Variants in UGT2A2 observed in about 807,000 individuals in gnomAD.
The protein encoded by UGT2A2 is UDP-glucuronosyltransferase 2A2.
UGT2A2 carries 60 observed loss-of-function variants against 50.7 expected under a neutral mutation model. The ratio of observed to expected loss-of-function variants is 1.18; its 90% CI spans 0.96 to 1.47. UGT2A2 has a LOEUF of 1.47. UGT2A2 is among the 40% of genes most tolerant of loss of function. UGT2A2 has a pLI of 0.00. For synonymous variants in UGT2A2, 242 were observed against 214.6 expected, an observed-to-expected ratio of 1.13 and a Z score of -1.11; for missense variants, 762 against 634.0, an observed-to-expected ratio of 1.20 and a Z score of -2.17.
intron 1 of UGT2A2, among the ~76,000 whole-genome samples, chr4:69,631,074 A>C (rs570483298): frequency 2.4e-4 from 37 of 152,220 alleles, no homozygotes; most frequent in African/African-American, 8.7e-4. Context: ...CTATAACACT[A>C]CTTTCTCATT....
rs1721658620 is a variant in UGT2A2 at position 69,635,828 on chromosome 4, C to CAACAAAAAAAAAAAAAAA, written c.742+3070_742+3071insTTTTTTTTTTTTTTTGTT. On this transcript the variant is annotated intron_variant, in intron 1 of 5. Transcript: ENST00000604629. ...GCAACAGAGTAAGAGTCCACCTCAC[C>CAACAAAAAAAAAAAAAAA]AAAAAAAAAAAAAAAAAAAAAAGAG... 4.1e-5 allele frequency: 2 copies of CAACAAAAAAAAAAAAAAA among 49,134 alleles called. 1 individual carries two copies. The highest frequency in any genetic ancestry group is 6.4e-4 in the Admixed American group (2 of 3,114). The allele number at this position is 49,134 out of a possible 1,614,324, so 3.0% of individuals were successfully genotyped here.
At chr4:69,635,835 A>AAAAAAAAAAAAAAAAG (rs1721663102) in intron 1 of UGT2A2, 1 of 132,518 alleles carries the variant, frequency 7.5e-6, no homozygotes, top group Non-Finnish European at 1.5e-5. Context: ...CACCAAAAAA[A>AAAAAAAAAAAAAAAAG]AAAAAAAAAA....
chr4:69,621,491 A>T (rs7657761), intron 1 of UGT2A2, among the ~76,000 whole-genome samples: 53,394 of 151,670 alleles, frequency 0.35, 9,740 homozygotes, highest in African/African-American at 0.43. Context: ...ATTAAAAAGT[A>T]AAAAAAATAA....
intron 3 of UGT2A2, 89 bp from the exon 4 acceptor site, chr4:69,595,338 C>G: frequency 6.8e-7 from 1 of 1,475,138 alleles, no homozygotes; most frequent in Non-Finnish European, 9.3e-7. Context: ...ATTTAGCCAG[C>G]TACTTGGAAG....
chr4:69,600,103 C>T (rs1193064901), intron 1 of UGT2A2, among the ~76,000 whole-genome samples: 1 of 152,158 alleles, frequency 6.6e-6, no homozygotes, highest in African/African-American at 2.4e-5. Flanking sequence ...AGCAGCCTAT[C>T]CTGTGAGCCA....
Position 69,594,570 on chromosome 4 carries a change from A to G in UGT2A2, c.1238T>C (p.Met413Thr). 1 of 1,614,156 alleles carries G rather than the reference A, an allele frequency of 6.2e-7. No individual in the cohort carries two copies. The highest frequency in any genetic ancestry group is 8.5e-7 in the Non-Finnish European group (1 of 1,180,040). ...TTCCACAGCTGCTCCTTTGGCCTTCATGTGAGCAATGTTATCAGGCTGATC... is the reference window on the plus strand; with the variant it reads ...TTCCACAGCTGCTCCTTTGGCCTTCGTGTGAGCAATGTTATCAGGCTGATC... ...FADQPDNIAHMKAKGAAVEVN... is the reference protein window; with the variant it reads ...FADQPDNIAHTKAKGAAVEVN... Residue 413 changes from methionine to threonine, a missense_variant, in exon 5 of 6, where the codon ATG becomes ACG. Coordinates refer to ENST00000604629, the MANE Select transcript of UGT2A2 (RefSeq NM_001105677.2).
chr4:69,620,013 C>T (rs529055400), intron 1 of UGT2A2, among the ~76,000 whole-genome samples: 3 of 152,050 alleles, frequency 2.0e-5, no homozygotes, highest in African/African-American at 7.2e-5. Flanking sequence ...ATATGACAAA[C>T]CCCCAGCCAA....
At chr4:69,632,240 A>G (rs1038568187) in intron 1 of UGT2A2, among the ~76,000 whole-genome samples, 1 of 152,190 alleles carries the variant, frequency 6.6e-6, no homozygotes, top group East Asian at 1.9e-4. Flanking sequence ...ATTTGCTACC[A>G]TGAAGGAAGA....
At chr4:69,638,829 C>G in intron 1 of UGT2A2, 70 bp downstream of exon 1, 3 of 1,449,462 alleles carry the variant, frequency 2.1e-6, no homozygotes. Flanking sequence ...GAATGGAAAT[C>G]GTTTGCCATA....
chr4:69,608,736 C>T (rs1184379393), intron 1 of UGT2A2, among the ~76,000 whole-genome samples: 2 of 152,046 alleles, frequency 1.3e-5, no homozygotes, highest in East Asian at 3.9e-4. Flanking sequence ...ACTCTTGTTG[C>T]CCAGGCTGGA....
intron 1 of UGT2A2, 103 bp downstream of exon 1, chr4:69,638,796 T>G (rs1721868523): frequency 7.3e-7 from 1 of 1,370,124 alleles, no homozygotes; most frequent in East Asian, 2.5e-5. Flanking sequence ...AAGTCCATTA[T>G]CTTCAGCTCA....
chr4:69,606,181 A>T lies in UGT2A2; in HGVS notation c.743-6787T>A, dbSNP rs1265329638. Among the ~76,000 whole-genome samples the T allele has an allele frequency of 1.5e-5, 2 of 136,558 alleles. 1 individual carries two copies. Among genetic ancestry groups the T allele is most frequent in the African/African-American group, 5.9e-5 (2 of 33,662 alleles). The allele number at this position is 136,558 out of a possible 152,430, so 89.6% of individuals were successfully genotyped here. A position where few individuals can be genotyped will look rare whatever the true frequency, so the allele number is the denominator to read the frequency against. The stretch of plus-strand genomic sequence containing the variant: ...TCGAGGCAAAAATCCTCAATAAAAT[A>T]CTGGCAAACCAAATCCAGCGGCACA... On this transcript the variant is annotated intron_variant, in intron 1 of 5. Coordinates refer to ENST00000604629, the MANE Select transcript of UGT2A2 (RefSeq NM_001105677.2).
intron 1 of UGT2A2, among the ~76,000 whole-genome samples, chr4:69,611,219 C>T (rs1341492979): frequency 6.7e-6 from 1 of 150,174 alleles, no homozygotes; most frequent in Middle Eastern, 3.2e-3. Flanking sequence ...CAACACAGCT[C>T]ACTGCAGTCT....
intron 1 of UGT2A2, among the ~76,000 whole-genome samples, chr4:69,627,103 G>A (rs533663588): frequency 6.6e-6 from 1 of 151,912 alleles, no homozygotes; most frequent in African/African-American, 2.4e-5. Flanking sequence ...AATGGACAAA[G>A]AGAGAAAATA....
At chr4:69,617,657 G>A (rs1175831160) in intron 1 of UGT2A2, among the ~76,000 whole-genome samples, 1 of 151,630 alleles carries the variant, frequency 6.6e-6, no homozygotes, top group Non-Finnish European at 1.5e-5. Flanking sequence ...GATTTCATTA[G>A]CAACATACAG....
chr4:69,615,738 A>G (rs1720340428), intron 1 of UGT2A2, among the ~76,000 whole-genome samples: 1 of 151,986 alleles, frequency 6.6e-6, no homozygotes, highest in African/African-American at 2.4e-5. Flanking sequence ...ACAAACAGAC[A>G]GACAAAAAAA....
chr4:69,637,849 A>G (rs1721799458), intron 1 of UGT2A2, among the ~76,000 whole-genome samples: 1 of 151,948 alleles, frequency 6.6e-6, no homozygotes. Flanking sequence ...TTTTTTTTAC[A>G]CAAAGTAAAC....
At position 69,588,823 on chromosome 4, in the gene UGT2A2, T is replaced by C. The variant is rs1050369386; in HGVS notation, c.*549A>G. 2.0e-5 allele frequency: 3 copies of C among 152,170 alleles called. No individual in the cohort carries two copies. The highest frequency in any genetic ancestry group is 7.2e-5 in the African/African-American group (3 of 41,440). 9.4% of individuals were successfully genotyped at this position (152,170 alleles called of 1,614,324 possible). On this transcript the variant is annotated 3_prime_UTR_variant, in exon 6 of 6. Coordinates refer to ENST00000604629, the MANE Select transcript of UGT2A2 (RefSeq NM_001105677.2). Reference sequence around the variant, plus strand: ...CATTTAATAGGGACGCACGTCACACTTAAAATTCATTCTCTAACTCCTGAA... The same window carrying C: ...CATTTAATAGGGACGCACGTCACACCTAAAATTCATTCTCTAACTCCTGAA...
chr4:69,621,718 A>G (rs1263774755), intron 1 of UGT2A2, among the ~76,000 whole-genome samples: 4 of 152,014 alleles, frequency 2.6e-5, no homozygotes, highest in African/African-American at 7.2e-5. Context: ...TCATTTCAGC[A>G]TGATTCACAA....
Sources: gnomAD v4.1 joint callset for allele counts (sites outside exome capture counted in the v4.1 genomes callset) on GRCh38, gnomAD v4.1.1 for gene constraint, MANE v1.5 for transcripts, NCBI Gene and HGNC (gene_info 2026-07-23, HGNC 2026-07-21) for gene names.